HPSE2: variants seen among roughly 807,000 people sequenced by gnomAD.
HPSE2 encodes the protein inactive heparanase-2.
A neutral mutation model predicts 60.5 loss-of-function variants in HPSE2; 38 were observed. The observed-to-expected ratio is 0.63, with a 90% CI of 0.48 to 0.82. The LOEUF (loss-of-function observed/expected upper bound fraction) is 0.82. Among genes scored for constraint, HPSE2 ranks in the 40% least tolerant of loss-of-function variants. The probability of loss-of-function intolerance (pLI) is 0.00; values close to 1 mark genes in which losing one functional copy is unlikely to be tolerated. For synonymous variants in HPSE2, 295 were observed against 293.2 expected, an observed-to-expected ratio of 1.01 and a Z score of -0.06; for missense variants, 713 against 740.4, an observed-to-expected ratio of 0.96 and a Z score of 0.43.
At chr10:98,942,673 C>A (rs1176207673) in intron 3 of HPSE2, among the ~76,000 whole-genome samples, 1 of 152,112 alleles carries the variant, frequency 6.6e-6, no homozygotes, top group Admixed American at 6.5e-5. Context: ...GTCAGTGTGG[C>A]GATTCCTCAG....
chr10:99,184,061 A>G (rs915560505), intron 2 of HPSE2, among the ~76,000 whole-genome samples: 1 of 152,204 alleles, frequency 6.6e-6, no homozygotes, highest in African/African-American at 2.4e-5. Flanking sequence ...ATTTAAAGGA[A>G]TATCAAATCA....
At chr10:99,193,264 C>A (rs1190531839) in intron 2 of HPSE2, among the ~76,000 whole-genome samples, 2 of 151,594 alleles carry the variant, frequency 1.3e-5, no homozygotes, top group Non-Finnish European at 2.9e-5. Flanking sequence ...AACCTCAAAT[C>A]AAAAAGCATA....
chr10:98,571,325 G>A lies in HPSE2; in HGVS notation c.1320+43579C>T, dbSNP rs115677260. On this transcript the variant is annotated intron_variant, in intron 9 of 11. Coordinates refer to ENST00000370552, the MANE Select transcript of HPSE2 (RefSeq NM_021828.5). Reference sequence around the variant, plus strand: ...TTAAGACCAGCCTGGGCAACACAGTGAGATTCTATCTTTACTACTACTACT... The same window carrying A: ...TTAAGACCAGCCTGGGCAACACAGTAAGATTCTATCTTTACTACTACTACT... Among the ~76,000 whole-genome samples, 283 of 152,140 alleles carry A rather than the reference G, an allele frequency of 1.9e-3. 3 individuals are homozygous for A. The highest frequency in any genetic ancestry group is 6.5e-3 in the African/African-American group (268 of 41,484).
At chr10:98,981,136 T>C (rs534026222) in intron 3 of HPSE2, among the ~76,000 whole-genome samples, 1 of 152,280 alleles carries the variant, frequency 6.6e-6, no homozygotes, top group African/African-American at 2.4e-5. Context: ...ATAAATCTCA[T>C]GTAGAATCAA....
intron 3 of HPSE2, among the ~76,000 whole-genome samples, chr10:98,766,957 A>G (rs1480524557): frequency 6.6e-6 from 1 of 152,114 alleles, no homozygotes; most frequent in Admixed American, 6.6e-5. Context: ...AAAACCCCAC[A>G]ATATTAACTC....
intron 6 of HPSE2, among the ~76,000 whole-genome samples, chr10:98,668,048 T>C (rs1000485058): frequency 1.3e-5 from 2 of 152,250 alleles, no homozygotes; most frequent in African/African-American, 4.8e-5. Flanking sequence ...CTCCTGGAAC[T>C]GATAATTGAT....
At position 98,820,510 on chromosome 10, in the gene HPSE2, C is replaced by A. The variant is rs150390742; in HGVS notation, c.611-76454G>T. 4.6e-5 allele frequency among the ~76,000 whole-genome samples: 7 copies of A among 152,190 alleles called. No homozygotes were observed. The East Asian group carries it at 1.4e-3, about 29-fold the overall frequency. On this transcript the variant is annotated intron_variant, in intron 3 of 11. Transcript: ENST00000370552. ...ACCTAATTTTCCTTTGATAGCATAA[C>A]CCTTATATGCTCTTCAGAAATTTGA...
chr10:98,788,489 G>C (rs899418769), intron 3 of HPSE2, among the ~76,000 whole-genome samples: 5 of 142,166 alleles, frequency 3.5e-5, no homozygotes, highest in Non-Finnish European at 7.7e-5. Flanking sequence ...CGAGCTTCCC[G>C]GCTGCTTTGT....
chr10:99,294,516 T>C, the HPSE2 span, among the ~76,000 whole-genome samples: 1 of 148,962 alleles, frequency 6.7e-6, no homozygotes, highest in East Asian at 1.9e-4. Context: ...TGCTGCGCTA[T>C]ATTTATTATA....
At chr10:98,779,788 T>TA in intron 3 of HPSE2, among the ~76,000 whole-genome samples, 1 of 152,230 alleles carries the variant, frequency 6.6e-6, no homozygotes, top group Non-Finnish European at 1.5e-5. Flanking sequence ...CCCTAATTTC[T>TA]AAAAGCTCAC....
intron 9 of HPSE2, among the ~76,000 whole-genome samples, chr10:98,559,855 A>T (rs749722604): frequency 2.6e-5 from 4 of 152,292 alleles, no homozygotes; most frequent in Non-Finnish European, 2.9e-5. Context: ...TGTGAGCTGT[A>T]TTTTTTAAAA....
At position 99,154,701 on chromosome 10, in the gene HPSE2, G is replaced by A. The variant is rs1238309793; in HGVS notation, c.449-10302C>T. On this transcript the variant is annotated intron_variant, in intron 2 of 11. Coordinates refer to ENST00000370552, the MANE Select transcript of HPSE2 (RefSeq NM_021828.5). ...AGGAAGAAACTGCATAAACTAACGA[G>A]CAAAATCACCAGCTAACATCATAAT... Among the ~76,000 whole-genome samples the A allele has an allele frequency of 2.7e-5, 4 of 150,754 alleles. No homozygotes were observed. In the East Asian group the frequency reaches 7.9e-4, roughly 30 times the overall value.
At chr10:99,216,348 C>A (rs928787748) in intron 2 of HPSE2, among the ~76,000 whole-genome samples, 10 of 152,156 alleles carry the variant, frequency 6.6e-5, no homozygotes, top group Middle Eastern at 6.8e-3. Flanking sequence ...GCGCCTGCCA[C>A]CATGCCCTGC....
intron 9 of HPSE2, among the ~76,000 whole-genome samples, chr10:98,583,649 C>A (rs1589453776): frequency 6.6e-6 from 1 of 152,212 alleles, no homozygotes; most frequent in African/African-American, 2.4e-5. Flanking sequence ...TACCTAACAG[C>A]TCCCTGGTTT....
intron 3 of HPSE2, among the ~76,000 whole-genome samples, chr10:99,047,376 AAAACCTAG>A (rs1957880367): frequency 6.6e-6 from 1 of 152,238 alleles, no homozygotes; most frequent in Non-Finnish European, 1.5e-5. Flanking sequence ...ATCCTAGAAG[AAAACCTAG>A]GAAATGCACT....
chr10:98,994,631 T>G (rs1044297542), intron 3 of HPSE2, among the ~76,000 whole-genome samples: 1 of 152,090 alleles, frequency 6.6e-6, no homozygotes, highest in Admixed American at 6.5e-5. Flanking sequence ...GCTATAGCCA[T>G]GTCAGCCCAA....
intron 3 of HPSE2, among the ~76,000 whole-genome samples, chr10:99,122,210 CTT>C (rs1844981035): frequency 6.6e-6 from 1 of 151,970 alleles, no homozygotes; most frequent in Non-Finnish European, 1.5e-5. Context: ...TATATATAAA[CTT>C]ATTTTTACCT....
chr10:98,777,617 A>G (rs1016086841), intron 3 of HPSE2, among the ~76,000 whole-genome samples: 2 of 152,148 alleles, frequency 1.3e-5, no homozygotes, highest in African/African-American at 2.4e-5. Context: ...TAGCATTATT[A>G]ATTTGTTGTT....
chr10:98,555,557 A>C (rs1943982934), intron 9 of HPSE2, among the ~76,000 whole-genome samples: 1 of 152,226 alleles, frequency 6.6e-6, no homozygotes, highest in Non-Finnish European at 1.5e-5. Flanking sequence ...TTGCAGTTAC[A>C]GTAAAGTCTT....
Sources: allele counts gnomAD v4.1 joint callset (sites outside exome capture counted in the v4.1 genomes callset), GRCh38; gene constraint gnomAD v4.1.1; transcripts MANE v1.5; gene names NCBI Gene and HGNC (gene_info 2026-07-23, HGNC 2026-07-21).